The following HEATR4 variants were observed in gnomAD, a reference collection of about 807,000 sequenced individuals.
HEATR4 encodes HEAT repeat-containing protein 4.
In HEATR4, 95 loss-of-function variants were observed where a neutral mutation model predicts 108.8. That is an observed-to-expected ratio of 0.87 (90% confidence interval 0.74 to 1.04). The LOEUF is 1.04. Ranked by LOEUF, HEATR4 falls within the 50% of genes least tolerant of loss-of-function variation. HEATR4 has a pLI of 0.00. For missense variants in HEATR4, 1,152 were observed against 1,253.8 expected (o/e 0.92, Z 1.23); for synonymous variants, 443 against 459.4 (o/e 0.96, Z 0.46).
the HEATR4 span, chr14:73,617,225 G>C: frequency 6.2e-7 from 1 of 1,614,116 alleles, no homozygotes; most frequent in Non-Finnish European, 8.5e-7. Context: ...GTGCAGAAGA[G>C]AGGGGATAGA....
At chr14:73,590,059 T>C in the HEATR4 span, among the ~76,000 whole-genome samples, 17 of 152,214 alleles carry the variant, frequency 1.1e-4, no homozygotes, top group African/African-American at 3.6e-4. Flanking sequence ...ATTACAAAAC[T>C]AAATAGAACA....
the HEATR4 span, among the ~76,000 whole-genome samples, chr14:73,627,038 C>T: frequency 4.6e-4 from 70 of 151,532 alleles, no homozygotes; most frequent in Middle Eastern, 3.4e-3. Context: ...GTGATCCACC[C>T]GCCTCGGCCT....
the HEATR4 span, among the ~76,000 whole-genome samples, chr14:73,604,568 C>T: frequency 6.6e-6 from 1 of 152,080 alleles, no homozygotes; most frequent in Non-Finnish European, 1.5e-5. Flanking sequence ...TCACTTCAAC[C>T]TGCGCTTCCC....
Position 73,495,327 on chromosome 14 carries a change from T to C in HEATR4, c.2686A>G (p.Met896Val). The change falls in exon 16 of 18, where the codon ATG (methionine) becomes GTG (valine). Residue 896 changes from methionine to valine, a missense_variant. Coordinates refer to ENST00000553558, the MANE Select transcript of HEATR4 (RefSeq NM_001220484.1). ...THKILKLEMV[M>V]GKVREEAKRV... ...TTTGCTTCCTCCCTCACTTTTCCCA[T>C]GACCATCTCCAGCTTGAGTATTTTG... 1 of 1,614,050 alleles carries C rather than the reference T, an allele frequency of 6.2e-7. No homozygotes were observed. The highest frequency in any genetic ancestry group is 8.5e-7 in the Non-Finnish European group (1 of 1,179,922).
Position 73,503,007 on chromosome 14 carries a change from T to C in HEATR4, c.1993A>G (p.Lys665Glu), listed in dbSNP as rs745827012. ...RISGNVCLDM[K>E]HKLIQLMWND... ...CACATCAGCTGGATCAACTTATGTT[T>C]CATATCCTATAAATAGGTATGATCA... Residue 665 changes from lysine to glutamate, a missense_variant, in exon 11 of 18, where the codon AAA (lysine) becomes GAA (glutamate). Lys to Glu is a moderately conservative substitution (Grantham distance 56). Coordinates refer to ENST00000553558, the MANE Select transcript of HEATR4 (RefSeq NM_001220484.1). 1.4e-5 allele frequency: 22 copies of C among 1,610,248 alleles called. No homozygotes were observed. The African/African-American group carries it at 2.8e-4, about 21-fold the overall frequency.
chr14:73,613,305 C>T, the HEATR4 span, among the ~76,000 whole-genome samples: 2 of 152,160 alleles, frequency 1.3e-5, no homozygotes, highest in Non-Finnish European at 2.9e-5. Context: ...CACGTCCCTC[C>T]CTGGAGGCAC....
At chr14:73,590,426 G>C in the HEATR4 span, among the ~76,000 whole-genome samples, 4 of 152,270 alleles carry the variant, frequency 2.6e-5, no homozygotes, top group Admixed American at 2.6e-4. Context: ...CCCAGTGGAT[G>C]CCGCACGGGG....
the HEATR4 span, among the ~76,000 whole-genome samples, chr14:73,584,800 CA>C: frequency 6.7e-6 from 1 of 149,428 alleles, no homozygotes; most frequent in Non-Finnish European, 1.5e-5. Context: ...TACCAGCCCC[CA>C]TTCCCACAAT....
intron 1 of HEATR4, among the ~76,000 whole-genome samples, chr14:73,531,543 C>G (rs1211406960): frequency 9.3e-6 from 1 of 107,132 alleles, no homozygotes; most frequent in Non-Finnish European, 2.0e-5. Flanking sequence ...GTCTCAGCCT[C>G]CCATTACAGG....
At chr14:73,597,266 A>C in the HEATR4 span, among the ~76,000 whole-genome samples, 1 of 150,464 alleles carries the variant, frequency 6.6e-6, no homozygotes, top group Admixed American at 6.6e-5. Flanking sequence ...TTGTATTTTT[A>C]GTAGAGACAG....
the HEATR4 span, among the ~76,000 whole-genome samples, chr14:73,600,794 A>G: frequency 6.6e-6 from 1 of 152,040 alleles, no homozygotes; most frequent in Non-Finnish European, 1.5e-5. Flanking sequence ...TTTTCTAAAA[A>G]TCTCAGTGGG....
intron 12 of HEATR4, among the ~76,000 whole-genome samples, chr14:73,499,838 G>C (rs569871517): frequency 6.6e-6 from 1 of 152,252 alleles, no homozygotes; most frequent in South Asian, 2.1e-4. Context: ...CTCTAGAATC[G>C]AAGTCTGGGC....
At chr14:73,524,293 C>CAAAAAAAAAA (rs1160344592) in intron 2 of HEATR4, among the ~76,000 whole-genome samples, 4 of 56,656 alleles carry the variant, frequency 7.1e-5, no homozygotes, top group African/African-American at 9.3e-5. Context: ...AACTCCGTCT[C>CAAAAAAAAAA]AAAAAAAAAA....
At chr14:73,613,178 C>T in the HEATR4 span, 2 of 458,396 alleles carry the variant, frequency 4.4e-6, no homozygotes, top group South Asian at 9.6e-5. Context: ...TCCGCTGTTG[C>T]CCAGGCTGGA....
chr14:73,493,433 G>A (rs1387869964), intron 16 of HEATR4: 1 of 291,872 alleles, frequency 3.4e-6, no homozygotes, highest in Non-Finnish European at 6.8e-6. Context: ...GGGATGGTTC[G>A]AAGAAATGCA....
At position 73,538,648 on chromosome 14, in the gene HEATR4, G is replaced by A. The variant is rs1423198014; in HGVS notation, c.-151-8404C>T. Reference sequence around the variant, plus strand: ...AAAAAAAAGGCATTGTAAGGAAAGAGAAAAGACACATAATATTAAAAACAA... The same window carrying A: ...AAAAAAAAGGCATTGTAAGGAAAGAAAAAAGACACATAATATTAAAAACAA... On this transcript the variant is annotated intron_variant, in intron 1 of 17. Coordinates refer to ENST00000553558, the MANE Select transcript of HEATR4 (RefSeq NM_001220484.1). 1.7e-3 allele frequency among the ~76,000 whole-genome samples: 183 copies of A among 104,650 alleles called. 41 individuals carry two copies. The highest frequency in any genetic ancestry group is 5.5e-3 in the African/African-American group (177 of 32,072). 68.7% of individuals were successfully genotyped at this position (104,650 alleles called of 152,430 possible). A position where few individuals can be genotyped will look rare whatever the true frequency, so the allele number is the denominator to read the frequency against.
At position 73,536,430 on chromosome 14, in the gene HEATR4, C is replaced by CA. The variant is rs1444210157; in HGVS notation, c.-151-6187_-151-6186insT. On this transcript the variant is annotated intron_variant, in intron 1 of 17. Coordinates refer to ENST00000553558, the MANE Select transcript of HEATR4 (RefSeq NM_001220484.1). ...GGCTGAGGCAGGAAGATGGCTTTAGCCCAGGAGTTTGAGGCTTGTAAGTGC... is the reference window on the plus strand; with the variant it reads ...GGCTGAGGCAGGAAGATGGCTTTAGCACCAGGAGTTTGAGGCTTGTAAGTGC... Among the ~76,000 whole-genome samples, 120 of 106,768 alleles carry CA rather than the reference C, an allele frequency of 1.1e-3. 27 individuals carry two copies. The highest frequency in any genetic ancestry group is 3.3e-3 in the African/African-American group (109 of 32,692). The allele number at this position is 106,768 out of a possible 152,430, so 70.0% of individuals were successfully genotyped here.
the HEATR4 span, among the ~76,000 whole-genome samples, chr14:73,576,084 C>T: frequency 9.2e-5 from 14 of 151,782 alleles, 1 homozygote; most frequent in Admixed American, 5.9e-4. Flanking sequence ...ACCTGGGAGG[C>T]GGAGGTTGCA....
chr14:73,612,508 A>G, the HEATR4 span: 200 of 1,118,458 alleles, frequency 1.8e-4, no homozygotes, highest in Middle Eastern at 3.2e-4. Flanking sequence ...AGCGCTCGGC[A>G]AAGCCGCCAG....
Sources: allele counts gnomAD v4.1 joint callset (sites outside exome capture counted in the v4.1 genomes callset), GRCh38; gene constraint gnomAD v4.1.1; transcripts MANE v1.5; gene names NCBI Gene and HGNC (gene_info 2026-07-23, HGNC 2026-07-21).